SLC6A12: variants seen among roughly 807,000 people sequenced by gnomAD.
The protein encoded by SLC6A12 is sodium- and chloride-dependent betaine transporter.
A neutral mutation model predicts 73.3 loss-of-function variants in SLC6A12; 50 were observed. The observed-to-expected ratio is 0.68, with a 90% confidence interval of 0.54 to 0.86. The LOEUF is 0.86. SLC6A12 is among the 40% of genes least tolerant of loss of function. The pLI is 0.00. For missense variants in SLC6A12, 648 were observed against 772.8 expected (o/e 0.84, Z 1.92); for synonymous variants, 304 against 309.2 (o/e 0.98, Z 0.18).
At chr12:200,178 G>A (rs1050378624) in intron 7 of SLC6A12, among the ~76,000 whole-genome samples, 40 of 144,152 alleles carry the variant, frequency 2.8e-4, no homozygotes, top group Non-Finnish European at 5.1e-4. Flanking sequence ...GCGCTATCTC[G>A]GCTCACTGCA....
chr12:210,985 C>G (rs1940882839), intron 2 of SLC6A12: 1 of 152,246 alleles, frequency 6.6e-6, no homozygotes, highest in Non-Finnish European at 1.5e-5. Context: ...CCGCTTCTGT[C>G]AGGGTGTATC....
chr12:186,034 T>G (rs1939423159), downstream of SLC6A12, among the ~76,000 whole-genome samples: 1 of 152,090 alleles, frequency 6.6e-6, no homozygotes, highest in Non-Finnish European at 1.5e-5. Context: ...AGTCTTCACC[T>G]CCTCACAGCA....
downstream of SLC6A12, among the ~76,000 whole-genome samples, chr12:187,523 T>TGTTA (rs1378499366): frequency 7.2e-6 from 1 of 138,124 alleles, no homozygotes; most frequent in African/African-American, 2.7e-5. Context: ...TCCCAATGAG[T>TGTTA]GTTACACCTC....
chr12:184,936 A>G, the SLC6A12 span, among the ~76,000 whole-genome samples: 1 of 151,924 alleles, frequency 6.6e-6, no homozygotes, highest in Non-Finnish European at 1.5e-5. Context: ...GTCTCAAAAA[A>G]AAAAAAAAAT....
chr12:196,355 T>C (rs151292882), intron 11 of SLC6A12, 94 bp from the exon 12 acceptor site: 24,927 of 1,429,462 alleles, frequency 0.017, 289 homozygotes, highest in Middle Eastern at 0.053. Flanking sequence ...TCCACACTGA[T>C]GCACAGGGGT....
Position 212,669 on chromosome 12 carries a change from G to A in SLC6A12, c.-142-559C>T, listed in dbSNP as rs533729793. On this transcript the variant is annotated intron_variant, in intron 1 of 15. Coordinates refer to ENST00000684302, the MANE Select transcript of SLC6A12 (RefSeq NM_001122848.3). Reference sequence around the variant, plus strand: ...ACTCAAGAGGGAACACGCTTAAACTGCAGCAAGAGGGATTTAAGTTAGACT... The same window carrying A: ...ACTCAAGAGGGAACACGCTTAAACTACAGCAAGAGGGATTTAAGTTAGACT... 3.9e-5 allele frequency among the ~76,000 whole-genome samples: 6 copies of A among 152,314 alleles called. No individual in the cohort carries two copies. In the South Asian group the frequency reaches 1.2e-3, roughly 32 times the overall value.
Position 196,892 on chromosome 12 carries a change from A to G in SLC6A12, c.1076-10T>C. On this transcript the variant is annotated splice_polypyrimidine_tract_variant and intron_variant, in intron 10 of 15. Coordinates refer to ENST00000684302, the MANE Select transcript of SLC6A12 (RefSeq NM_001122848.3). ...AAGGCCAGCCCAGGACCTGCCAGGT[A>G]CACAGCACAGTCAGGGAGGCTCCAG... 2 of 1,604,446 alleles carry G rather than the reference A, an allele frequency of 1.2e-6. No homozygotes were observed.
At chr12:199,482 T>C (rs1228809004) in intron 7 of SLC6A12, among the ~76,000 whole-genome samples, 1 of 152,142 alleles carries the variant, frequency 6.6e-6, no homozygotes, top group African/African-American at 2.4e-5. Flanking sequence ...AGGCTAATGG[T>C]TGGGGGAGCA....
chr12:185,928 T>C (rs1249363689), downstream of SLC6A12, among the ~76,000 whole-genome samples: 2 of 152,216 alleles, frequency 1.3e-5, no homozygotes, highest in Non-Finnish European at 2.9e-5. Context: ...TTCTCATCCC[T>C]GTTAGATCCA....
At chr12:200,856 C>A in intron 6 of SLC6A12, 73 bp from the exon 7 acceptor site, 2 of 1,507,004 alleles carry the variant, frequency 1.3e-6, no homozygotes, top group Non-Finnish European at 1.8e-6. Context: ...AGCAAGTCTC[C>A]TGATTCTCAG....
intron 7 of SLC6A12, among the ~76,000 whole-genome samples, chr12:200,276 T>G (rs1940167319): frequency 6.6e-6 from 1 of 150,720 alleles, no homozygotes. Context: ...GCCCGGCTAA[T>G]TTTTTGTATT....
the SLC6A12 span, among the ~76,000 whole-genome samples, chr12:184,826 G>T: frequency 6.6e-6 from 1 of 152,072 alleles, no homozygotes; most frequent in African/African-American, 2.4e-5. Context: ...CCAGCTACTG[G>T]GGAGGATGAG....
chr12:200,272 C>A (rs1263697286), intron 7 of SLC6A12, among the ~76,000 whole-genome samples: 4 of 150,994 alleles, frequency 2.6e-5, no homozygotes, highest in African/African-American at 4.9e-5. Flanking sequence ...CCACGCCCGG[C>A]TAATTTTTTG....
At chr12:211,897 C>T (rs1940916989) in intron 2 of SLC6A12, 129 bp downstream of exon 2, 1 of 152,180 alleles carries the variant, frequency 6.6e-6, no homozygotes, top group Non-Finnish European at 1.5e-5. Context: ...TCCTAAGAAT[C>T]TCTGAAGTTA....
intron 3 of SLC6A12, among the ~76,000 whole-genome samples, chr12:206,478 G>A (rs1162666532): frequency 3.9e-5 from 6 of 152,198 alleles, no homozygotes; most frequent in Admixed American, 3.9e-4. Flanking sequence ...CTGTTCATCT[G>A]TTCATGGATA....
intron 14 of SLC6A12, 79 bp downstream of exon 14, chr12:193,198 C>G: frequency 1.0e-6 from 1 of 1,002,026 alleles, no homozygotes; most frequent in Non-Finnish European, 1.6e-6. Context: ...AAGAGCCCTG[C>G]ATGTCAGCCG....
At chr12:185,188 C>G (rs912655895), downstream of SLC6A12, among the ~76,000 whole-genome samples, 6 of 152,222 alleles carry the variant, frequency 3.9e-5, no homozygotes, top group Admixed American at 2.0e-4. Context: ...TGAGGCTGGA[C>G]AGTGAGCCCA....
chr12:202,771 G>A lies in SLC6A12; in HGVS notation c.459C>T (p.Pro153=). Residue 153 remains proline, a synonymous_variant, in exon 5 of 16, where the codon CCC becomes CCT. Coordinates refer to ENST00000684302, the MANE Select transcript of SLC6A12 (RefSeq NM_001122848.3). Reference sequence around the variant, plus strand: ...TCCAAAAGTTGTTGCAGGTCGTCCAGGGCAGCTCAGAAGTGAAGGAGCTGA... The same window carrying A: ...TCCAAAAGTTGTTGCAGGTCGTCCAAGGCAGCTCAGAAGTGAAGGAGCTGA... The part of the protein sequence containing the change: ...YLFSSFTSEL[P]WTTCNNFWNT... The A allele has an allele frequency of 4.3e-6, 7 of 1,614,110 alleles. No individual in the cohort carries two copies. The highest frequency in any genetic ancestry group is 5.9e-6 in the Non-Finnish European group (7 of 1,180,006).
chr12:202,766 G>A lies in SLC6A12; in HGVS notation c.464C>T (p.Thr155Met), dbSNP rs751979961. ...FSSFTSELPWTTCNNFWNTEH... is the reference protein window; with the variant it reads ...FSSFTSELPWMTCNNFWNTEH... ...TGTGTTCCAAAAGTTGTTGCAGGTC[G>A]TCCAGGGCAGCTCAGAAGTGAAGGA... is the stretch of plus-strand genomic sequence containing the variant. Residue 155 changes from threonine to methionine, a missense_variant, in exon 5 of 16, where the codon ACG becomes ATG. Coordinates refer to ENST00000684302, the MANE Select transcript of SLC6A12 (RefSeq NM_001122848.3). 17 of 1,613,878 alleles carry A rather than the reference G, an allele frequency of 1.1e-5. No homozygotes were observed. Among genetic ancestry groups the A allele is most frequent in the East Asian group, 2.2e-5 (1 of 44,892 alleles).
Sources: gnomAD v4.1 joint callset for allele counts (sites outside exome capture counted in the v4.1 genomes callset) on GRCh38, gnomAD v4.1.1 for gene constraint, MANE v1.5 for transcripts, NCBI Gene and HGNC (gene_info 2026-07-23, HGNC 2026-07-21) for gene names.